Variants in ADAMTS17 observed in about 807,000 individuals in gnomAD.
ADAMTS17 encodes ADAM metallopeptidase with thrombospondin type 1 motif 17.
In ADAMTS17, 113 loss-of-function variants were observed where a neutral mutation model predicts 141.5. The ratio of observed to expected loss-of-function variants is 0.80; its 90% CI spans 0.69 to 0.93. The LOEUF is 0.93. Among genes scored for constraint, ADAMTS17 ranks in the 40% least tolerant of loss-of-function variants. ADAMTS17 has a pLI of 0.00. For synonymous variants in ADAMTS17, 768 were observed against 630.6 expected (o/e 1.22, Z -3.27); for missense variants, 1,659 against 1,517.9 (o/e 1.09, Z -1.54).
intron 16 of ADAMTS17, among the ~76,000 whole-genome samples, chr15:100,053,417 G>A (rs1050049714): frequency 2.6e-5 from 4 of 152,168 alleles, no homozygotes; most frequent in Non-Finnish European, 4.4e-5. Flanking sequence ...ATTCCCAAAT[G>A]CTCGTTGCAA....
intron 8 of ADAMTS17, among the ~76,000 whole-genome samples, chr15:100,165,282 C>T (rs1253414662): frequency 6.6e-6 from 1 of 152,216 alleles, no homozygotes; most frequent in Non-Finnish European, 1.5e-5. Flanking sequence ...CACAGCTGGA[C>T]ACAGGACTGG....
chr15:100,146,828 A>G (rs1352200435), intron 10 of ADAMTS17, among the ~76,000 whole-genome samples: 1 of 70,066 alleles, frequency 1.4e-5, no homozygotes, highest in African/African-American at 3.9e-5. Context: ...TCGAGACTGC[A>G]GAGGTGAAAT....
At chr15:100,157,832 G>C (rs573433902) in intron 8 of ADAMTS17, among the ~76,000 whole-genome samples, 1 of 151,920 alleles carries the variant, frequency 6.6e-6, no homozygotes, top group African/African-American at 2.4e-5. Context: ...AGGGTTAAAG[G>C]AAGACTGAAG....
intron 18 of ADAMTS17, among the ~76,000 whole-genome samples, chr15:100,045,195 A>G (rs1157914618): frequency 6.6e-6 from 1 of 152,170 alleles, no homozygotes; most frequent in African/African-American, 2.4e-5. Context: ...TGCATCCCAA[A>G]TATAATCATT....
chr15:100,299,581 G>A (rs1012409850), intron 3 of ADAMTS17, among the ~76,000 whole-genome samples: 3 of 151,670 alleles, frequency 2.0e-5, no homozygotes, highest in Non-Finnish European at 4.4e-5. Flanking sequence ...ATGTGTTCAC[G>A]TTTCAACCAG....
chr15:100,315,291 C>T (rs889886441), intron 3 of ADAMTS17, among the ~76,000 whole-genome samples: 4 of 152,180 alleles, frequency 2.6e-5, no homozygotes, highest in Admixed American at 2.6e-4. Flanking sequence ...CCTGCTGACT[C>T]GGTTCACCCC....
intron 7 of ADAMTS17, 66 bp from the exon 8 acceptor site, chr15:100,199,489 C>T: frequency 7.4e-7 from 1 of 1,347,918 alleles, no homozygotes; most frequent in Non-Finnish European, 1.1e-6. Flanking sequence ...CCGGGCAAGT[C>T]CGCACGGTCA....
intron 7 of ADAMTS17, among the ~76,000 whole-genome samples, chr15:100,214,903 G>A (rs1567368146): frequency 6.6e-6 from 1 of 152,210 alleles, no homozygotes; most frequent in Non-Finnish European, 1.5e-5. Context: ...GCACTGTCCC[G>A]TGACAAGTTC....
In ADAMTS17 at chr15:100,132,003, T is replaced by C. The variant is rs775566303; in HGVS notation, c.1721+4A>G. 1 of 1,614,174 alleles carries C rather than the reference T, an allele frequency of 6.2e-7. No individual in the cohort carries two copies. Among genetic ancestry groups the C allele is most frequent in the South Asian group, 1.1e-5 (1 of 91,090 alleles). ...GTTGGGGTATGGCTGGTCAGGGGAC[T>C]TACGGGGGGTTGTCACATTTCCTCT... is the stretch of plus-strand genomic sequence containing the variant. On this transcript the variant is annotated splice_donor_region_variant and intron_variant, in intron 12 of 21. Transcript: ENST00000268070.
At chr15:100,245,516 G>C (rs1273248427) in intron 7 of ADAMTS17, among the ~76,000 whole-genome samples, 1 of 152,192 alleles carries the variant, frequency 6.6e-6, no homozygotes, top group African/African-American at 2.4e-5. Context: ...CAAAGGGCTG[G>C]TAGAAGCCCA....
chr15:100,087,867 C>T (rs1283800522), intron 15 of ADAMTS17, among the ~76,000 whole-genome samples: 1 of 152,174 alleles, frequency 6.6e-6, no homozygotes, highest in Non-Finnish European at 1.5e-5. Context: ...CTATGACAAA[C>T]CCACAGCCAA....
At chr15:100,330,166 G>A (rs956861559) in intron 3 of ADAMTS17, among the ~76,000 whole-genome samples, 1 of 152,140 alleles carries the variant, frequency 6.6e-6, no homozygotes, top group Non-Finnish European at 1.5e-5. Context: ...CAGAGTATAA[G>A]AGCCCCAGGT....
intron 7 of ADAMTS17, among the ~76,000 whole-genome samples, chr15:100,237,358 C>T (rs994765286): frequency 1.3e-5 from 2 of 152,158 alleles, no homozygotes; most frequent in African/African-American, 4.8e-5. Flanking sequence ...CCTGCCTTTA[C>T]CTACATTAGG....
intron 15 of ADAMTS17, among the ~76,000 whole-genome samples, chr15:100,075,347 G>A (rs536509063): frequency 1.3e-5 from 2 of 152,260 alleles, no homozygotes; most frequent in African/African-American, 4.8e-5. Context: ...TCTCAAATGT[G>A]TTCCCTTTGA....
intron 18 of ADAMTS17, among the ~76,000 whole-genome samples, chr15:100,005,049 C>T (rs2061011845): frequency 6.6e-6 from 1 of 152,354 alleles, no homozygotes; most frequent in East Asian, 1.9e-4. Flanking sequence ...AGCCACTACG[C>T]CTGGCTGAAA....
intron 12 of ADAMTS17, among the ~76,000 whole-genome samples, chr15:100,117,261 T>C (rs1359649669): frequency 1.3e-5 from 2 of 152,084 alleles, no homozygotes; most frequent in Non-Finnish European, 2.9e-5. Flanking sequence ...AAGAAGGCAG[T>C]GAGTATGAGT....
At chr15:100,255,724 G>A (rs1442949618) in intron 6 of ADAMTS17, among the ~76,000 whole-genome samples, 4 of 151,918 alleles carry the variant, frequency 2.6e-5, no homozygotes, top group African/African-American at 9.7e-5. Flanking sequence ...TCTAAGCTGG[G>A]CAAAGGGAGA....
intron 11 of ADAMTS17, among the ~76,000 whole-genome samples, chr15:100,132,873 A>C (rs1394016099): frequency 6.6e-6 from 1 of 152,174 alleles, no homozygotes; most frequent in South Asian, 2.1e-4. Flanking sequence ...GTTCTCACTG[A>C]ATTATTTTTA....
chr15:100,211,465 G>A (rs1042268916), intron 7 of ADAMTS17, among the ~76,000 whole-genome samples: 4 of 152,158 alleles, frequency 2.6e-5, no homozygotes, highest in African/African-American at 7.2e-5. Flanking sequence ...CCTCATGCCA[G>A]ACACAGAAAC....
Sources: allele counts gnomAD v4.1 joint callset (sites outside exome capture counted in the v4.1 genomes callset), GRCh38; gene constraint gnomAD v4.1.1; transcripts MANE v1.5; gene names NCBI Gene and HGNC (gene_info 2026-07-23, HGNC 2026-07-21).